The following ARL15 variants were observed in gnomAD, a reference collection of about 807,000 sequenced individuals.
The protein encoded by ARL15 is ARF like GTPase 15, also known as ADP-ribosylation factor-like protein 15.
ARL15 carries 19 observed loss-of-function variants against 25.2 expected under a neutral mutation model. That is an observed-to-expected ratio of 0.75 (90% CI 0.53 to 1.10). ARL15 has a LOEUF of 1.10. Ranked by LOEUF, ARL15 falls within the 50% of genes least tolerant of loss-of-function variation. The pLI is 0.00. For missense variants in ARL15, 220 were observed against 246.0 expected (o/e 0.89, Z 0.71); for synonymous variants, 94 against 86.8 (o/e 1.08, Z -0.46).
intron 1 of ARL15, among the ~76,000 whole-genome samples, chr5:54,220,442 T>G (rs1756341760): frequency 6.6e-6 from 1 of 152,240 alleles, no homozygotes; most frequent in Non-Finnish European, 1.5e-5. Flanking sequence ...TTTATTCAGC[T>G]GGTTTCTCCC....
intron 1 of ARL15, among the ~76,000 whole-genome samples, chr5:54,269,216 TATA>T (rs1279722629): frequency 1.3e-5 from 2 of 151,852 alleles, no homozygotes; most frequent in East Asian, 3.9e-4. Flanking sequence ...AAACTTAAAG[TATA>T]ATAAGAATAA....
chr5:54,277,217 A>G (rs1445607184), intron 1 of ARL15, among the ~76,000 whole-genome samples: 3 of 152,022 alleles, frequency 2.0e-5, no homozygotes, highest in Non-Finnish European at 4.4e-5. Flanking sequence ...GTAACATACA[A>G]TTGTTTTGCC....
intron 1 of ARL15, among the ~76,000 whole-genome samples, chr5:54,242,258 G>A (rs1306855417): frequency 6.6e-6 from 1 of 152,058 alleles, no homozygotes; most frequent in Non-Finnish European, 1.5e-5. Flanking sequence ...AATGATAACA[G>A]CAATAATAAC....
chr5:53,993,587 G>T (rs976928888), intron 4 of ARL15, among the ~76,000 whole-genome samples: 1 of 152,048 alleles, frequency 6.6e-6, no homozygotes, highest in African/African-American at 2.4e-5. Context: ...GCCTATTTCA[G>T]CTTTCTGCAT....
intron 4 of ARL15, among the ~76,000 whole-genome samples, chr5:53,926,620 TGGC>T (rs1471219568): frequency 2.0e-5 from 3 of 152,220 alleles, no homozygotes; most frequent in Admixed American, 6.5e-5. Context: ...TGACAGTGAG[TGGC>T]TTCCTCTTCT....
intron 1 of ARL15, among the ~76,000 whole-genome samples, chr5:54,183,559 T>C (rs1328238377): frequency 6.7e-6 from 1 of 150,080 alleles, no homozygotes; most frequent in Non-Finnish European, 1.5e-5. Flanking sequence ...TGCCAGTATT[T>C]TATTGAGGAT....
intron 1 of ARL15, among the ~76,000 whole-genome samples, chr5:54,263,866 C>T (rs1168548448): frequency 1.3e-5 from 2 of 152,004 alleles, no homozygotes; most frequent in Non-Finnish European, 2.9e-5. Context: ...ATCTTCTTTG[C>T]TCCCCAAATT....
chr5:54,304,360 G>A (rs540320825), intron 1 of ARL15, among the ~76,000 whole-genome samples: 41 of 152,318 alleles, frequency 2.7e-4, no homozygotes, highest in African/African-American at 9.9e-4. Context: ...CAGAGTAAGT[G>A]TTCAATAAAT....
At chr5:54,089,006 G>T (rs189911670) in intron 4 of ARL15, among the ~76,000 whole-genome samples, 1 of 152,272 alleles carries the variant, frequency 6.6e-6, no homozygotes, top group East Asian at 1.9e-4. Flanking sequence ...ATGGAGTGTT[G>T]TCGCATATGA....
chr5:54,287,657 G>GTA (rs1758215842), intron 1 of ARL15, among the ~76,000 whole-genome samples: 2 of 152,048 alleles, frequency 1.3e-5, no homozygotes, highest in African/African-American at 4.8e-5. Flanking sequence ...TAATTAAAAT[G>GTA]CATTCATATG....
chr5:54,308,841 A>C (rs1758824520), intron 1 of ARL15, among the ~76,000 whole-genome samples: 1 of 152,222 alleles, frequency 6.6e-6, no homozygotes, highest in Admixed American at 6.5e-5. Flanking sequence ...AAAATGTCAG[A>C]ACCACCTGAT....
In ARL15 at chr5:53,884,846, T is replaced by G. The variant is rs114808468; in HGVS notation, c.*1715A>C. ...AACAGGACAAAATAAAAACAGGAAT[T>G]GTGTAACTGGTCATCGGAATAAAAG... On this transcript the variant is annotated 3_prime_UTR_variant, in exon 5 of 5. Transcript: ENST00000504924. 1,325 of 152,674 alleles carry G rather than the reference T, an allele frequency of 8.7e-3. 8 individuals are homozygous for G. The highest frequency in any genetic ancestry group is 0.031 in the Middle Eastern group (9 of 294). The allele number at this position is 152,674 out of a possible 1,614,324, so 9.5% of individuals were successfully genotyped here.
At chr5:53,987,475 C>CTT (rs35849750) in intron 4 of ARL15, among the ~76,000 whole-genome samples, 4 of 144,212 alleles carry the variant, frequency 2.8e-5, no homozygotes, top group Non-Finnish European at 3.0e-5. Flanking sequence ...ACCCCTTTCA[C>CTT]TTTTTTTTTT....
intron 4 of ARL15, among the ~76,000 whole-genome samples, chr5:53,929,466 T>C (rs1746132852): frequency 6.6e-6 from 1 of 152,238 alleles, no homozygotes; most frequent in South Asian, 2.1e-4. Context: ...AAAACTATAA[T>C]ACTATCATTT....
intron 4 of ARL15, among the ~76,000 whole-genome samples, chr5:54,028,898 T>C (rs2111880190): frequency 6.6e-6 from 1 of 152,226 alleles, no homozygotes; most frequent in East Asian, 1.9e-4. Flanking sequence ...GGTATGCGCC[T>C]ATAGTCCCAG....
chr5:53,990,830 C>T (rs1189625711), intron 4 of ARL15, among the ~76,000 whole-genome samples: 2 of 152,072 alleles, frequency 1.3e-5, no homozygotes, highest in African/African-American at 4.8e-5. Context: ...GAAAAAGCAC[C>T]TCTAATTTAT....
rs79354291 is a variant in ARL15, at chr5:54,296,371, C to G, written c.48+14061G>C. Among the ~76,000 whole-genome samples, 403 of 152,302 alleles carry G rather than the reference C, an allele frequency of 2.6e-3. 3 individuals are homozygous for G. The highest frequency in any genetic ancestry group is 8.3e-3 in the South Asian group (40 of 4,826). On this transcript the variant is annotated intron_variant, in intron 1 of 4. Transcript: ENST00000504924. ...AATTCTGCGAGGTAGGTATTTAATA[C>G]TATCATTACACCCACTTTGCATACA...
chr5:54,040,150 C>T (rs947717689), intron 4 of ARL15, among the ~76,000 whole-genome samples: 4 of 152,136 alleles, frequency 2.6e-5, no homozygotes, highest in East Asian at 1.9e-4. Flanking sequence ...CTTTACATTT[C>T]GTCATGCATT....
intron 1 of ARL15, among the ~76,000 whole-genome samples, chr5:54,179,066 T>A (rs1196187763): frequency 6.6e-6 from 1 of 152,170 alleles, no homozygotes; most frequent in Non-Finnish European, 1.5e-5. Flanking sequence ...TCAAAGAAGT[T>A]AAGTAACTTG....
Sources: gnomAD v4.1 joint callset for allele counts (sites outside exome capture counted in the v4.1 genomes callset) on GRCh38, gnomAD v4.1.1 for gene constraint, MANE v1.5 for transcripts, NCBI Gene and HGNC (gene_info 2026-07-23, HGNC 2026-07-21) for gene names.